The following ZNF475 variants were observed in gnomAD, a reference collection of about 807,000 sequenced individuals.
ZNF475 encodes the protein zinc finger protein 475.
At chr5:122,160,371 G>T in the ZNF475 span, 1 of 911,960 alleles carries the variant, frequency 1.1e-6, no homozygotes, top group South Asian at 1.4e-5. Flanking sequence ...GGTGGGGAAA[G>T]TTACACATTT....
chr5:122,179,980 A>G, the ZNF475 span: 1 of 280,194 alleles, frequency 3.6e-6, no homozygotes, highest in Non-Finnish European at 6.6e-6. Context: ...AATTTGCTGT[A>G]TTCTCCAAAA....
chr5:122,172,904 G>A, the ZNF475 span, among the ~76,000 whole-genome samples: 1 of 152,204 alleles, frequency 6.6e-6, no homozygotes, highest in East Asian at 1.9e-4. Context: ...ATGGTGGCAG[G>A]CACCTGTTGA....
chr5:122,170,871 G>A, the ZNF475 span, among the ~76,000 whole-genome samples: 1 of 152,004 alleles, frequency 6.6e-6, no homozygotes, highest in South Asian at 2.1e-4. Context: ...ATCACTCCCG[G>A]GGATTCCAAA....
the ZNF475 span, among the ~76,000 whole-genome samples, chr5:122,180,662 C>T: frequency 3.9e-5 from 6 of 152,154 alleles, no homozygotes; most frequent in Non-Finnish European, 8.8e-5. Flanking sequence ...ATCCATTCTC[C>T]TATGTAACCG....
At chr5:122,160,304 G>A in the ZNF475 span, 1 of 1,283,126 alleles carries the variant, frequency 7.8e-7, no homozygotes, top group East Asian at 5.6e-5. Context: ...GCTCCAGAAG[G>A]CAACCCAAGG....
the ZNF475 span, among the ~76,000 whole-genome samples, chr5:122,173,074 T>C: frequency 6.6e-6 from 1 of 152,206 alleles, no homozygotes; most frequent in African/African-American, 2.4e-5. Context: ...GTGTTTCTGA[T>C]ATTTTGTAAA....
the ZNF475 span, among the ~76,000 whole-genome samples, chr5:122,181,990 T>C: frequency 0.021 from 3,173 of 152,316 alleles, 71 homozygotes; most frequent in Admixed American, 0.06. Flanking sequence ...ATATAATTCA[T>C]CTTAAATTCA....
chr5:122,171,260 AT>A, the ZNF475 span, among the ~76,000 whole-genome samples: 1 of 152,084 alleles, frequency 6.6e-6, no homozygotes, highest in Admixed American at 6.5e-5. Flanking sequence ...TCCAGAGCTG[AT>A]TTTTTTATTA....
At chr5:122,168,201 T>A in the ZNF475 span, among the ~76,000 whole-genome samples, 4 of 152,168 alleles carry the variant, frequency 2.6e-5, no homozygotes, top group African/African-American at 9.7e-5. Flanking sequence ...CCTGCCATCA[T>A]GCCCAGCTAA....
the ZNF475 span, chr5:122,179,619 A>C: frequency 7.6e-5 from 116 of 1,534,088 alleles, no homozygotes; most frequent in Non-Finnish European, 1.0e-4. Flanking sequence ...AACAAAATCT[A>C]TTAGCATTCA....
At chr5:122,175,784 T>C in the ZNF475 span, among the ~76,000 whole-genome samples, 1 of 152,194 alleles carries the variant, frequency 6.6e-6, no homozygotes, top group African/African-American at 2.4e-5. Context: ...TAATTTTTAA[T>C]TATCCTATTT....
chr5:122,162,595 A>G, the ZNF475 span: 3 of 152,232 alleles, frequency 2.0e-5, no homozygotes, highest in East Asian at 5.8e-4. Flanking sequence ...ATTATGTTTT[A>G]AATGGCTGAA....
chr5:122,171,013 A>G, the ZNF475 span, among the ~76,000 whole-genome samples: 1 of 152,328 alleles, frequency 6.6e-6, no homozygotes, highest in South Asian at 2.1e-4. Context: ...TGCAGAGACC[A>G]AATATGCATT....
At chr5:122,166,197 G>C in the ZNF475 span, among the ~76,000 whole-genome samples, 2 of 152,188 alleles carry the variant, frequency 1.3e-5, no homozygotes, top group African/African-American at 2.4e-5. Context: ...CACAAGGGGA[G>C]CCTTTCAGTA....
At chr5:122,173,501 A>G in the ZNF475 span, among the ~76,000 whole-genome samples, 1 of 152,240 alleles carries the variant, frequency 6.6e-6, no homozygotes, top group African/African-American at 2.4e-5. Flanking sequence ...ATATACAATA[A>G]TTAGGATAAA....
the ZNF475 span, chr5:122,179,675 G>A: frequency 6.5e-7 from 1 of 1,534,730 alleles, no homozygotes; most frequent in East Asian, 2.4e-5. Flanking sequence ...ACAACTTGTT[G>A]CCTAAAGAGT....
the ZNF475 span, among the ~76,000 whole-genome samples, chr5:122,166,622 A>G: frequency 6.6e-6 from 1 of 151,730 alleles, no homozygotes; most frequent in Non-Finnish European, 1.5e-5. Context: ...GATTGCTGAA[A>G]ATGACGGTTT....
At chr5:122,160,843 A>G in the ZNF475 span, among the ~76,000 whole-genome samples, 6 of 152,200 alleles carry the variant, frequency 3.9e-5, no homozygotes, top group Non-Finnish European at 8.8e-5. Context: ...CACATTTCCT[A>G]GTGATCATGC....
chr5:122,164,122 G>A, the ZNF475 span, among the ~76,000 whole-genome samples: 4 of 152,204 alleles, frequency 2.6e-5, no homozygotes, highest in African/African-American at 9.6e-5. Context: ...TTAACAATAA[G>A]GTTAGTTCAT....
Sources: allele counts gnomAD v4.1 joint callset (sites outside exome capture counted in the v4.1 genomes callset), GRCh38; gene constraint gnomAD v4.1.1; transcripts MANE v1.5; gene names NCBI Gene and HGNC (gene_info 2026-07-23, HGNC 2026-07-21).